Variants in GRAMD1B observed in about 807,000 individuals in gnomAD.
GRAMD1B encodes protein Aster-B.
GRAMD1B carries 37 observed loss-of-function variants against 99.7 expected under a neutral mutation model. The observed-to-expected ratio is 0.37, with a 90% CI of 0.29 to 0.49. The LOEUF (loss-of-function observed/expected upper bound fraction) is 0.49, where lower values mean the gene tolerates loss of function less well. GRAMD1B is among the 20% of genes least tolerant of loss of function. The probability of loss-of-function intolerance (pLI) is 0.98; values close to 1 mark genes in which losing one functional copy is unlikely to be tolerated. For missense variants in GRAMD1B, 888 were observed against 1,009.2 expected, an observed-to-expected ratio of 0.88 and a Z score of 1.63; for synonymous variants, 427 against 387.6, an observed-to-expected ratio of 1.10 and a Z score of -1.19.
At chr11:123,507,251 G>A (rs1940525832) in intron 2 of GRAMD1B, among the ~76,000 whole-genome samples, 1 of 152,210 alleles carries the variant, frequency 6.6e-6, no homozygotes, top group African/African-American at 2.4e-5. Context: ...AGAAGATGAC[G>A]TGTAGATTGG....
At chr11:123,472,443 C>A (rs781413486) in intron 1 of GRAMD1B, among the ~76,000 whole-genome samples, 8 of 152,026 alleles carry the variant, frequency 5.3e-5, no homozygotes, top group African/African-American at 1.7e-4. Flanking sequence ...TCGGCCTCCC[C>A]GGTGAAGCAG....
chr11:123,435,618 A>G, intron 1 of GRAMD1B: 1 of 586,480 alleles, frequency 1.7e-6, no homozygotes, highest in Non-Finnish European at 3.1e-6. Context: ...GTATCGTCAC[A>G]GCACTGTACC....
chr11:123,367,733 A>T (rs1244977744), intron 1 of GRAMD1B, among the ~76,000 whole-genome samples: 1 of 150,910 alleles, frequency 6.6e-6, no homozygotes, highest in Non-Finnish European at 1.5e-5. Flanking sequence ...AGAACAGATT[A>T]GTTTTTTAGG....
At chr11:123,513,160 A>G (rs921227127) in intron 2 of GRAMD1B, among the ~76,000 whole-genome samples, 15 of 151,976 alleles carry the variant, frequency 9.9e-5, no homozygotes, top group Non-Finnish European at 1.5e-5. Context: ...TTCCCTTTTT[A>G]TTTCTGAGAT....
At chr11:123,435,660 A>G (rs1463927965) in intron 1 of GRAMD1B, 4 of 473,088 alleles carry the variant, frequency 8.5e-6, no homozygotes, top group African/African-American at 1.9e-5. Flanking sequence ...AGATCTATAG[A>G]TGTTTGTTGA....
intron 1 of GRAMD1B, among the ~76,000 whole-genome samples, chr11:123,467,606 T>A (rs1234310591): frequency 6.6e-6 from 1 of 151,924 alleles, no homozygotes; most frequent in Non-Finnish European, 1.5e-5. Flanking sequence ...TTTGTTACAG[T>A]GGCTTCTTTA....
intron 2 of GRAMD1B, among the ~76,000 whole-genome samples, chr11:123,511,934 G>A (rs1941065651): frequency 6.6e-6 from 1 of 152,190 alleles, no homozygotes; most frequent in African/African-American, 2.4e-5. Flanking sequence ...TCTGCACAAA[G>A]GTGAAAATTA....
At chr11:123,450,514 T>G (rs2134359297) in intron 1 of GRAMD1B, among the ~76,000 whole-genome samples, 1 of 152,296 alleles carries the variant, frequency 6.6e-6, no homozygotes, top group Non-Finnish European at 1.5e-5. Context: ...TGTCAGCAAA[T>G]TATCAGTGCA....
chr11:123,478,071 C>T (rs759326385), intron 1 of GRAMD1B, among the ~76,000 whole-genome samples: 97 of 152,200 alleles, frequency 6.4e-4, no homozygotes, highest in Non-Finnish European at 1.2e-3. Context: ...GGATTACAGG[C>T]GTGAACCACC....
At chr11:123,401,971 T>G (rs1591439382) in intron 1 of GRAMD1B, among the ~76,000 whole-genome samples, 1 of 152,216 alleles carries the variant, frequency 6.6e-6, no homozygotes, top group Middle Eastern at 3.4e-3. Flanking sequence ...TACACTGGGG[T>G]GAGCATGAGA....
At chr11:123,540,449 A>G (rs1207187054) in intron 2 of GRAMD1B, among the ~76,000 whole-genome samples, 1 of 152,192 alleles carries the variant, frequency 6.6e-6, no homozygotes, top group Non-Finnish European at 1.5e-5. Flanking sequence ...GTTGGTGCTC[A>G]AAAAGTATTT....
At chr11:123,571,346 C>T (rs1055106879) in intron 2 of GRAMD1B, among the ~76,000 whole-genome samples, 5 of 151,840 alleles carry the variant, frequency 3.3e-5, no homozygotes, top group Admixed American at 1.3e-4. Context: ...CTGCAGTGGG[C>T]GTGGGGGGTG....
rs139996126 is a variant in GRAMD1B at position 123,548,291 on chromosome 11, A to AATATATATAT, written c.453-29050_453-29041dup. 3.6e-3 allele frequency among the ~76,000 whole-genome samples: 267 copies of AATATATATAT among 75,098 alleles called. 3 individuals carry two copies. Among genetic ancestry groups the AATATATATAT allele is most frequent in the Non-Finnish European group, 5.4e-3 (219 of 40,826 alleles). 49.3% of individuals were successfully genotyped at this position (75,098 alleles called of 152,430 possible). Reference sequence around the variant, plus strand: ...AATTGGAAGAGTCAGGCTGTGCCAAAATATATATATATATATATATATATA... The same window carrying AATATATATAT: ...AATTGGAAGAGTCAGGCTGTGCCAAAATATATATATATATATATATATATATATATATATA... On this transcript the variant is annotated intron_variant, in intron 2 of 19. Coordinates refer to ENST00000635736, the MANE Select transcript of GRAMD1B (RefSeq NM_001387025.1).
intron 1 of GRAMD1B, 108 bp downstream of exon 1, chr11:123,431,274 C>T: frequency 1.7e-6 from 1 of 595,962 alleles, no homozygotes; most frequent in South Asian, 2.0e-5. Context: ...AACAGGAGCC[C>T]GTCACCAGAG....
chr11:123,480,708 T>G (rs1951548956), intron 1 of GRAMD1B, 108 bp from the exon 2 acceptor site: 2 of 396,352 alleles, frequency 5.0e-6, no homozygotes, highest in Non-Finnish European at 4.4e-6. Flanking sequence ...ACTTGTATCT[T>G]TAAAATTTTG....
At chr11:123,570,704 G>A (rs1425351389) in intron 2 of GRAMD1B, among the ~76,000 whole-genome samples, 2 of 152,160 alleles carry the variant, frequency 1.3e-5, no homozygotes, top group Non-Finnish European at 2.9e-5. Context: ...GATTACAGGT[G>A]TGAGCCACGG....
At chr11:123,465,485 G>A (rs1950615025) in intron 1 of GRAMD1B, among the ~76,000 whole-genome samples, 1 of 152,162 alleles carries the variant, frequency 6.6e-6, no homozygotes, top group Non-Finnish European at 1.5e-5. Flanking sequence ...ACACACTTGG[G>A]GCGTGGTGTG....
chr11:123,599,935 A>G (rs1054388056), intron 7 of GRAMD1B, among the ~76,000 whole-genome samples: 1 of 152,256 alleles, frequency 6.6e-6, no homozygotes, highest in Non-Finnish European at 1.5e-5. Context: ...GTGGTTGATC[A>G]GTAAAATCTT....
In GRAMD1B at chr11:123,622,531, A is replaced by G. The variant is rs1162502089; in HGVS notation, c.2570A>G (p.Gln857Arg). Residue 857 changes from glutamine (Q) to arginine (R), a missense_variant, in exon 20 of 20, where the codon CAG becomes CGG. Physicochemically the swap from Gln to Arg is conservative, Grantham distance 43. This residue lies in a region of GRAMD1B where 232 missense variants were observed against 261.7 expected (regional missense o/e 0.89). Transcript: ENST00000635736. ...DQMKDSLINL[Q>R]NGIRSRDYTS... ...ATGAAGGACTCGCTCATCAACCTTC[A>G]GAACGGCATCAGGTCCCGCGACTAC... is the stretch of plus-strand genomic sequence containing the variant. The G allele has an allele frequency of 6.4e-7, 1 of 1,558,964 alleles. No homozygotes were observed.
Sources: gnomAD v4.1 joint callset for allele counts (sites outside exome capture counted in the v4.1 genomes callset) on GRCh38, gnomAD v4.1.1 for gene constraint, gnomAD v4.1.1 regional missense constraint, MANE v1.5 for transcripts, NCBI Gene and HGNC (gene_info 2026-07-23, HGNC 2026-07-21) for gene names.